The following ASCC3 variants were observed in gnomAD, a reference collection of about 807,000 sequenced individuals.
ASCC3 encodes activating signal cointegrator 1 complex subunit 3, also known as ASC-1 complex subunit P200.
Under a neutral mutation model 256.3 loss-of-function variants are expected in ASCC3, and 158 were observed. The observed-to-expected ratio is 0.62, with a 90% confidence interval of 0.54 to 0.70. The LOEUF (loss-of-function observed/expected upper bound fraction) is 0.70. Ranked by LOEUF, ASCC3 falls within the 30% of genes least tolerant of loss-of-function variation. The probability of loss-of-function intolerance (pLI) is 0.00; values close to 1 mark genes in which losing one functional copy is unlikely to be tolerated. For missense variants in ASCC3, 2,259 were observed against 2,626.0 expected (o/e 0.86, Z 3.05); for synonymous variants, 948 against 883.4 (o/e 1.07, Z -1.30).
At chr6:100,651,907 A>T (rs191783254) in intron 18 of ASCC3, among the ~76,000 whole-genome samples, 53 of 152,144 alleles carry the variant, frequency 3.5e-4, no homozygotes, top group African/African-American at 1.2e-3. Flanking sequence ...AGTTAATAAC[A>T]TCTACACTAG....
In ASCC3 at chr6:100,632,946, A is replaced by G. The variant is rs147628022; in HGVS notation, c.4123-1733T>C. Among the ~76,000 whole-genome samples, 47 of 152,288 alleles carry G rather than the reference A, an allele frequency of 3.1e-4. No homozygotes were observed. In the East Asian group the frequency reaches 8.9e-3, roughly 29 times the overall value. Reference sequence around the variant, plus strand: ...GACATGGCATCAAAAGCAAAAATAAACAAATAGGTGTACAACAAACTAAAA... The same window carrying G: ...GACATGGCATCAAAAGCAAAAATAAGCAAATAGGTGTACAACAAACTAAAA... On this transcript the variant is annotated intron_variant, in intron 25 of 41. Coordinates refer to ENST00000369162, the MANE Select transcript of ASCC3 (RefSeq NM_006828.4).
chr6:100,785,073 T>C (rs1782628011), intron 8 of ASCC3, among the ~76,000 whole-genome samples: 1 of 152,160 alleles, frequency 6.6e-6, no homozygotes, highest in Non-Finnish European at 1.5e-5. Context: ...ATGGACACTG[T>C]TATTTTCTCT....
intron 1 of ASCC3, among the ~76,000 whole-genome samples, chr6:100,873,071 G>C (rs748610853): frequency 2.6e-5 from 4 of 151,806 alleles, no homozygotes; most frequent in Admixed American, 1.3e-4. Flanking sequence ...GAATTCAGAA[G>C]GCCAGTTATT....
At chr6:100,600,214 C>G (rs1772532864) in intron 34 of ASCC3, among the ~76,000 whole-genome samples, 1 of 148,590 alleles carries the variant, frequency 6.7e-6, no homozygotes, top group South Asian at 2.1e-4. Context: ...TGCACACACA[C>G]ACACACACAC....
intron 10 of ASCC3, among the ~76,000 whole-genome samples, chr6:100,749,207 A>G (rs931128856): frequency 6.6e-6 from 1 of 152,050 alleles, no homozygotes; most frequent in Non-Finnish European, 1.5e-5. Flanking sequence ...GTTATTCTTA[A>G]TAAGTAAGTC....
At chr6:100,858,287 GT>G (rs955735781) in intron 3 of ASCC3, 13 of 483,894 alleles carry the variant, frequency 2.7e-5, no homozygotes, top group African/African-American at 4.2e-5. Context: ...AAATGGAAAA[GT>G]TTTTTTTTCC....
chr6:100,694,522 A>G (rs191117160), intron 13 of ASCC3, among the ~76,000 whole-genome samples: 118 of 152,268 alleles, frequency 7.7e-4, no homozygotes, highest in African/African-American at 2.6e-3. Flanking sequence ...CATTGTTTCT[A>G]AAGAGTTTAT....
chr6:100,762,365 G>C (rs750137864), intron 10 of ASCC3, among the ~76,000 whole-genome samples: 3 of 152,172 alleles, frequency 2.0e-5, no homozygotes, highest in Non-Finnish European at 4.4e-5. Context: ...TTTCACTGAT[G>C]TTCAAAGGAA....
chr6:100,522,952 T>C (rs1401031251), intron 37 of ASCC3, among the ~76,000 whole-genome samples: 1 of 147,768 alleles, frequency 6.8e-6, no homozygotes, highest in African/African-American at 2.5e-5. Flanking sequence ...GTGTGTAGAC[T>C]TTGCATGGGG....
chr6:100,590,886 G>A (rs1193449665), intron 34 of ASCC3, among the ~76,000 whole-genome samples: 1 of 152,036 alleles, frequency 6.6e-6, no homozygotes, highest in African/African-American at 2.4e-5. Flanking sequence ...AATACACAAA[G>A]CAGGACTAAT....
At chr6:100,529,656 AT>A (rs2114639453) in intron 37 of ASCC3, among the ~76,000 whole-genome samples, 1 of 152,334 alleles carries the variant, frequency 6.6e-6, no homozygotes, top group African/African-American at 2.4e-5. Flanking sequence ...AAGTTCTCAA[AT>A]TTTAAAACAA....
At chr6:100,679,955 A>G (rs757901616) in intron 13 of ASCC3, among the ~76,000 whole-genome samples, 32 of 152,198 alleles carry the variant, frequency 2.1e-4, no homozygotes, top group Admixed American at 8.5e-4. Flanking sequence ...TTACAAGTTG[A>G]TAGAAGTTTG....
intron 10 of ASCC3, among the ~76,000 whole-genome samples, chr6:100,747,260 T>A (rs1780725356): frequency 6.6e-6 from 1 of 151,820 alleles, no homozygotes; most frequent in South Asian, 2.1e-4. Context: ...CTCATACAAG[T>A]TTTGAAGAAG....
chr6:100,521,750 C>G (rs1774322340), intron 37 of ASCC3, among the ~76,000 whole-genome samples: 1 of 152,208 alleles, frequency 6.6e-6, no homozygotes, highest in African/African-American at 2.4e-5. Context: ...AGTGACTGTT[C>G]AGAGATCCAA....
rs576034662 is a variant in ASCC3 at position 100,561,476 on chromosome 6, T to C, written c.5551-21089A>G. Among the ~76,000 whole-genome samples the C allele has an allele frequency of 2.2e-3, 340 of 152,248 alleles. 1 individual carries two copies. Among genetic ancestry groups the C allele is most frequent in the African/African-American group, 7.7e-3 (321 of 41,562 alleles). ...TGATTTATAAAAAAAAACAAAACCCTGCTTTTAAGTTTCAGTCTGGTATCA... is the reference window on the plus strand; with the variant it reads ...TGATTTATAAAAAAAAACAAAACCCCGCTTTTAAGTTTCAGTCTGGTATCA... On this transcript the variant is annotated intron_variant, in intron 36 of 41. Transcript: ENST00000369162.
intron 24 of ASCC3, among the ~76,000 whole-genome samples, chr6:100,642,344 T>C (rs931621301): frequency 6.6e-6 from 1 of 152,062 alleles, no homozygotes; most frequent in Admixed American, 6.6e-5. Context: ...GGTATGTTAG[T>C]TAATTTAACA....
At chr6:100,858,568 A>T in intron 3 of ASCC3, 1 of 984,398 alleles carries the variant, frequency 1.0e-6, no homozygotes. Context: ...TGAATCATGT[A>T]ATTTTTAAAC....
chr6:100,759,499 C>T (rs534212736), intron 10 of ASCC3, among the ~76,000 whole-genome samples: 249 of 152,204 alleles, frequency 1.6e-3, no homozygotes, highest in Admixed American at 2.9e-3. Context: ...ATAGGAGATC[C>T]TTTCCCTATT....
intron 10 of ASCC3, among the ~76,000 whole-genome samples, chr6:100,742,726 G>A (rs939923001): frequency 6.6e-6 from 1 of 152,228 alleles, no homozygotes; most frequent in Non-Finnish European, 1.5e-5. Context: ...AAGCTGGCAG[G>A]CTGGAGTGGC....
Sources: allele counts gnomAD v4.1 joint callset (sites outside exome capture counted in the v4.1 genomes callset), GRCh38; gene constraint gnomAD v4.1.1; transcripts MANE v1.5; gene names NCBI Gene and HGNC (gene_info 2026-07-23, HGNC 2026-07-21).